TEX9: variants seen among roughly 807,000 people sequenced by gnomAD.
TEX9 encodes testis-expressed protein 9.
In TEX9, 74 loss-of-function variants were observed where a neutral mutation model predicts 59.6. The ratio of observed to expected loss-of-function variants is 1.24; its 90% confidence interval spans 1.03 to 1.51. TEX9 has a LOEUF of 1.51. Ranked by LOEUF, TEX9 falls within the 40% of genes most tolerant of loss-of-function variation. The pLI is 0.00. For synonymous variants in TEX9, 186 were observed against 152.2 expected, an observed-to-expected ratio of 1.22 and a Z score of -1.64; for missense variants, 522 against 447.8, an observed-to-expected ratio of 1.17 and a Z score of -1.49.
chr15:56,348,357 C>T (rs1180611104), intron 1 of TEX9, among the ~76,000 whole-genome samples: 1 of 151,970 alleles, frequency 6.6e-6, no homozygotes, highest in Non-Finnish European at 1.5e-5. Context: ...ATTCCAGCTC[C>T]TGGACACCCA....
intron 10 of TEX9, among the ~76,000 whole-genome samples, chr15:56,426,628 C>T (rs78751359): frequency 0.037 from 1,471 of 40,270 alleles, 24 homozygotes; most frequent in East Asian, 0.18. Flanking sequence ...TATATATATA[C>T]ACACACACAA....
At chr15:56,246,755 C>G (rs1340016685) in intron 1 of TEX9, among the ~76,000 whole-genome samples, 1 of 152,138 alleles carries the variant, frequency 6.6e-6, no homozygotes, top group Admixed American at 6.5e-5. Context: ...TAAGTTTATT[C>G]TCTACTGGGA....
intron 1 of TEX9, among the ~76,000 whole-genome samples, chr15:56,336,805 C>A (rs1473518838): frequency 6.6e-6 from 1 of 152,250 alleles, no homozygotes; most frequent in East Asian, 1.9e-4. Flanking sequence ...CCCTTATACT[C>A]CTACATCAGC....
intron 1 of TEX9, among the ~76,000 whole-genome samples, chr15:56,247,914 T>G (rs1229684260): frequency 6.6e-6 from 1 of 152,178 alleles, no homozygotes. Flanking sequence ...AGCTTTCTCC[T>G]CTAGAAGCTG....
rs1455442200 is a variant in TEX9 at position 56,431,377 on chromosome 15, G to A, written c.*29+2904G>A. On this transcript the variant is annotated intron_variant, in intron 12 of 12. Transcript: ENST00000352903. ...CTTGAGATAAATCTCACTTACTTTAGGGAGATAGCCTAGTAAGTTTGTAGC... is the reference window on the plus strand; with the variant it reads ...CTTGAGATAAATCTCACTTACTTTAAGGAGATAGCCTAGTAAGTTTGTAGC... 2 of 1,610,732 alleles carry A rather than the reference G, an allele frequency of 1.2e-6. No homozygotes were observed. The highest frequency in any genetic ancestry group is 4.5e-5 in the East Asian group (2 of 44,776).
chr15:56,423,396 C>T (rs571944656), intron 10 of TEX9, among the ~76,000 whole-genome samples: 37 of 152,158 alleles, frequency 2.4e-4, no homozygotes, highest in East Asian at 3.9e-4. Context: ...GTTTTCCGTC[C>T]GCTGTTGATT....
chr15:56,393,448 G>A (rs2048310692), intron 7 of TEX9, among the ~76,000 whole-genome samples: 1 of 152,180 alleles, frequency 6.6e-6, no homozygotes, highest in African/African-American at 2.4e-5. Flanking sequence ...ACTTCTCAGA[G>A]CAGTTCCAAG....
At chr15:56,431,227 G>T (rs1452126839) in intron 12 of TEX9, 1 of 801,748 alleles carries the variant, frequency 1.2e-6, no homozygotes, top group Non-Finnish European at 1.9e-6. Flanking sequence ...GCCCAGAGAG[G>T]TTCAGTGCCT....
At chr15:56,459,563 T>C in the TEX9 span, among the ~76,000 whole-genome samples, 2 of 152,166 alleles carry the variant, frequency 1.3e-5, no homozygotes, top group Non-Finnish European at 2.9e-5. Context: ...AAGTTTGTGG[T>C]AATTCGTTAC....
intron 1 of TEX9, among the ~76,000 whole-genome samples, chr15:56,344,224 C>G (rs2046423653): frequency 6.6e-6 from 1 of 152,126 alleles, no homozygotes; most frequent in Admixed American, 6.6e-5. Flanking sequence ...CATGAATGTT[C>G]ATAACAGCAT....
At chr15:56,364,910 G>A (rs1389484637), upstream of TEX9, among the ~76,000 whole-genome samples, 1 of 152,198 alleles carries the variant, frequency 6.6e-6, no homozygotes, top group African/African-American at 2.4e-5. Flanking sequence ...GACAAATGAA[G>A]TGGCCGATAT....
At chr15:56,366,596 C>T (rs2046956199) in intron 2 of TEX9, among the ~76,000 whole-genome samples, 2 of 152,144 alleles carry the variant, frequency 1.3e-5, no homozygotes, top group African/African-American at 2.4e-5. Context: ...TTTTGTCTGT[C>T]TCCACTGGAC....
At chr15:56,308,743 G>C (rs2045538406) in intron 1 of TEX9, among the ~76,000 whole-genome samples, 1 of 152,044 alleles carries the variant, frequency 6.6e-6, no homozygotes, top group Non-Finnish European at 1.5e-5. Context: ...GTATGAGGAA[G>C]GGGTCCAACT....
chr15:56,307,516 T>C (rs550616322), intron 1 of TEX9, among the ~76,000 whole-genome samples: 63 of 152,322 alleles, frequency 4.1e-4, no homozygotes, highest in African/African-American at 1.5e-3. Flanking sequence ...TTGATGGGAA[T>C]AAAACCAACC....
chr15:56,430,948 G>T (rs2050574140), intron 12 of TEX9, among the ~76,000 whole-genome samples: 1 of 152,110 alleles, frequency 6.6e-6, no homozygotes, highest in African/African-American at 2.4e-5. Flanking sequence ...ATCACCTGAG[G>T]CCAAGAGTTC....
chr15:56,420,884 A>C (rs941439709), intron 10 of TEX9, among the ~76,000 whole-genome samples: 1 of 151,908 alleles, frequency 6.6e-6, no homozygotes, highest in Admixed American at 6.5e-5. Flanking sequence ...ACTGATTTTT[A>C]ATTCCATTGT....
At chr15:56,290,946 A>G (rs2141502705) in intron 1 of TEX9, among the ~76,000 whole-genome samples, 1 of 152,220 alleles carries the variant, frequency 6.6e-6, no homozygotes, top group South Asian at 2.1e-4. Flanking sequence ...GACAAAGTAC[A>G]TTTTGGTCAT....
chr15:56,426,022 G>A (rs1461624146), intron 10 of TEX9, among the ~76,000 whole-genome samples: 1 of 152,198 alleles, frequency 6.6e-6, no homozygotes, highest in Non-Finnish European at 1.5e-5. Flanking sequence ...CTTCTTCTCA[G>A]AGATTTAGAT....
intron 2 of TEX9, among the ~76,000 whole-genome samples, chr15:56,369,507 A>G (rs1020492375): frequency 2.0e-5 from 3 of 151,684 alleles, no homozygotes; most frequent in African/African-American, 4.8e-5. Flanking sequence ...TTTTTGTATT[A>G]TATTTTTTGT....
Sources: gnomAD v4.1 joint callset for allele counts (sites outside exome capture counted in the v4.1 genomes callset) on GRCh38, gnomAD v4.1.1 for gene constraint, MANE v1.5 for transcripts, NCBI Gene and HGNC (gene_info 2026-07-23, HGNC 2026-07-21) for gene names.